LRRC37A2: variants seen among roughly 807,000 people sequenced by gnomAD.
LRRC37A2 encodes the protein leucine-rich repeat-containing protein 37A2.
Under a neutral mutation model 68.8 loss-of-function variants are expected in LRRC37A2, and 9 were observed. The ratio of observed to expected loss-of-function variants is 0.13; its 90% confidence interval spans 0.08 to 0.23. The LOEUF (loss-of-function observed/expected upper bound fraction) is 0.23, where lower values mean the gene tolerates loss of function less well. Ranked by LOEUF, LRRC37A2 falls within the 10% of genes least tolerant of loss-of-function variation. The pLI, the probability that LRRC37A2 is intolerant of heterozygous loss-of-function variation, is 1.00. For synonymous variants in LRRC37A2, 63 were observed against 367.6 expected (o/e 0.17, Z 9.48); for missense variants, 168 against 950.4 (o/e 0.18, Z 10.82).
chr17:46,906,427 A>T, the LRRC37A2 span, among the ~76,000 whole-genome samples: 5 of 152,296 alleles, frequency 3.3e-5, no homozygotes, highest in East Asian at 1.9e-4. Flanking sequence ...AATTAAATTA[A>T]ATTTATTTAA....
At chr17:46,883,944 A>G in the LRRC37A2 span, among the ~76,000 whole-genome samples, 307 of 152,084 alleles carry the variant, frequency 2.0e-3, no homozygotes, top group African/African-American at 6.9e-3. Context: ...TCTTGGGCCC[A>G]TTAGTGTGTT....
chr17:46,721,997 C>T, the LRRC37A2 span: 43 of 1,607,102 alleles, frequency 2.7e-5, no homozygotes, highest in Non-Finnish European at 3.5e-5. Flanking sequence ...GATAGCTTTC[C>T]GACCACCACC....
At chr17:46,966,548 C>G in the LRRC37A2 span, 1 of 694,184 alleles carries the variant, frequency 1.4e-6, no homozygotes. Context: ...AAGGTCTCAC[C>G]ATGTTGCCCA....
At chr17:46,940,968 G>A in the LRRC37A2 span, 3 of 1,222,392 alleles carry the variant, frequency 2.5e-6, no homozygotes, top group Non-Finnish European at 3.1e-6. Context: ...CCGCCTCAGT[G>A]TAGGGAAGGG....
At chr17:46,914,575 CG>C in the LRRC37A2 span, among the ~76,000 whole-genome samples, 1 of 139,288 alleles carries the variant, frequency 7.2e-6, no homozygotes, top group South Asian at 2.3e-4. Flanking sequence ...CTCTTGAACC[CG>C]GAAGGCGGAG....
chr17:46,831,796 C>T, the LRRC37A2 span, among the ~76,000 whole-genome samples: 1 of 152,254 alleles, frequency 6.6e-6, no homozygotes, highest in Non-Finnish European at 1.5e-5. Context: ...CACTCACCCC[C>T]TCTGGGTCTC....
At chr17:46,810,470 G>A in the LRRC37A2 span, among the ~76,000 whole-genome samples, 1 of 152,202 alleles carries the variant, frequency 6.6e-6, no homozygotes, top group African/African-American at 2.4e-5. Flanking sequence ...TCAGGTCTGA[G>A]GCCAACTGGT....
the LRRC37A2 span, among the ~76,000 whole-genome samples, chr17:46,983,789 G>C: frequency 4.8e-4 from 73 of 152,324 alleles, no homozygotes; most frequent in Non-Finnish European, 9.3e-4. Context: ...AGCAGCTTAG[G>C]TGGGTGGCTC....
the LRRC37A2 span, among the ~76,000 whole-genome samples, chr17:46,827,236 A>G: frequency 6.6e-6 from 1 of 152,134 alleles, no homozygotes; most frequent in African/African-American, 2.4e-5. Flanking sequence ...TGACTGATCT[A>G]AGTCAATCAC....
the LRRC37A2 span, among the ~76,000 whole-genome samples, chr17:46,774,272 G>A: frequency 2.0e-5 from 3 of 152,254 alleles, no homozygotes; most frequent in African/African-American, 7.2e-5. Context: ...GATGGGCATT[G>A]AAGAGATCAG....
At chr17:46,745,884 C>T in the LRRC37A2 span, among the ~76,000 whole-genome samples, 1 of 152,202 alleles carries the variant, frequency 6.6e-6, no homozygotes, top group Non-Finnish European at 1.5e-5. Flanking sequence ...ATTACCTCAA[C>T]ACCCAGCTTT....
chr17:46,983,574 A>G, the LRRC37A2 span, among the ~76,000 whole-genome samples: 2 of 152,016 alleles, frequency 1.3e-5, no homozygotes, highest in Non-Finnish European at 2.9e-5. Context: ...GATTACAGGC[A>G]TGAGCCACTG....
intron 6 of LRRC37A2, 61 bp from the exon 6 acceptor site, chr17:46,540,115 C>G: frequency 1.3e-6 from 2 of 1,573,374 alleles, no homozygotes; most frequent in Non-Finnish European, 1.7e-6. Flanking sequence ...TGAATGTAAA[C>G]TTTTCATGCA....
the LRRC37A2 span, among the ~76,000 whole-genome samples, chr17:46,772,808 G>C: frequency 4.3e-4 from 58 of 135,422 alleles, no homozygotes; most frequent in Non-Finnish European, 7.3e-4. Context: ...CTGAACGTCA[G>C]ATCCCTTTTC....
At chr17:46,976,081 C>A in the LRRC37A2 span, among the ~76,000 whole-genome samples, 1 of 152,036 alleles carries the variant, frequency 6.6e-6, no homozygotes, top group East Asian at 2.0e-4. Context: ...TGCTCATCAC[C>A]ACGCCCGGCT....
At chr17:46,760,026 G>A in the LRRC37A2 span, among the ~76,000 whole-genome samples, 1 of 152,170 alleles carries the variant, frequency 6.6e-6, no homozygotes, top group Admixed American at 6.5e-5. Flanking sequence ...CCAACACTTT[G>A]GGAGGCTGAA....
chr17:46,988,693 C>T, the LRRC37A2 span, among the ~76,000 whole-genome samples: 7 of 151,958 alleles, frequency 4.6e-5, no homozygotes, highest in Admixed American at 2.0e-4. Flanking sequence ...CTGAGGTGAC[C>T]GTGGGATGTG....
At chr17:46,818,601 A>G in the LRRC37A2 span, 1 of 1,594,272 alleles carries the variant, frequency 6.3e-7, no homozygotes, top group Non-Finnish European at 8.5e-7. Flanking sequence ...GCTCCATTAG[A>G]AGAGGCGCCG....
At chr17:47,021,151 T>C in the LRRC37A2 span, among the ~76,000 whole-genome samples, 1 of 152,320 alleles carries the variant, frequency 6.6e-6, no homozygotes, top group Admixed American at 6.5e-5. Flanking sequence ...CACAATGAGG[T>C]ATGGAAAGCC....
Sources: gnomAD v4.1 joint callset for allele counts (sites outside exome capture counted in the v4.1 genomes callset) on GRCh38, gnomAD v4.1.1 for gene constraint, MANE v1.5 for transcripts, NCBI Gene and HGNC (gene_info 2026-07-23, HGNC 2026-07-21) for gene names.